KCNJ5: variants seen among roughly 807,000 people sequenced by gnomAD.
The protein encoded by KCNJ5 is potassium inwardly rectifying channel subfamily J member 5, also known as G protein-activated inward rectifier potassium channel 4.
In KCNJ5, 12 loss-of-function variants were observed where a neutral mutation model predicts 20.2. The observed-to-expected ratio is 0.59, with a 90% CI of 0.38 to 0.96. KCNJ5 has a LOEUF of 0.96. Ranked by LOEUF, KCNJ5 falls within the 40% of genes least tolerant of loss-of-function variation. The probability of loss-of-function intolerance (pLI) is 0.00; values close to 1 mark genes in which losing one functional copy is unlikely to be tolerated. For synonymous variants in KCNJ5, 210 were observed against 213.9 expected, an observed-to-expected ratio of 0.98 and a Z score of 0.16; for missense variants, 449 against 557.6, an observed-to-expected ratio of 0.81 and a Z score of 1.96.
chr11:128,912,471 C>T (rs1021379796), intron 2 of KCNJ5, among the ~76,000 whole-genome samples: 1 of 151,956 alleles, frequency 6.6e-6, no homozygotes, highest in Non-Finnish European at 1.5e-5. Context: ...TGTCCTCCCA[C>T]GCCCTATGAG....
In KCNJ5 at chr11:128,917,622, GTTTTGTTTTGTTTTT is replaced by G. The variant is rs1944605290; in HGVS notation, c.*894_*908del. On this transcript the variant is annotated 3_prime_UTR_variant, in exon 3 of 3. Coordinates refer to ENST00000529694, the MANE Select transcript of KCNJ5 (RefSeq NM_000890.5). The stretch of plus-strand genomic sequence containing the variant: ...GTTTTGTTTTGTTTTGTTTTGTTTT[GTTTTGTTTTGTTTTT>G]TTCACAATCTCAGCCAGCCTGCGGT... 6.6e-6 allele frequency: 1 copy of G among 150,514 alleles called. No homozygotes were observed. Among genetic ancestry groups the G allele is most frequent in the African/African-American group, 2.5e-5 (1 of 40,272 alleles). 9.3% of individuals were successfully genotyped at this position (150,514 alleles called of 1,614,324 possible). A position where few individuals can be genotyped will look rare whatever the true frequency, so the allele number is the denominator to read the frequency against.
chr11:128,910,761 G>A (rs182355963), intron 1 of KCNJ5, among the ~76,000 whole-genome samples: 151 of 152,292 alleles, frequency 9.9e-4, no homozygotes, highest in African/African-American at 3.2e-3. Context: ...TTATGCCCCT[G>A]TGGAGCTTAC....
intron 1 of KCNJ5, among the ~76,000 whole-genome samples, chr11:128,892,565 A>G (rs911121833): frequency 2.6e-5 from 4 of 152,202 alleles, no homozygotes; most frequent in Non-Finnish European, 5.9e-5. Flanking sequence ...GGAACACGCC[A>G]AGTATTTTAC....
At chr11:128,912,240 G>A (rs1944515387) in intron 2 of KCNJ5, 30 bp downstream of exon 2, 1 of 1,564,434 alleles carries the variant, frequency 6.4e-7, no homozygotes, top group Non-Finnish European at 8.7e-7. Flanking sequence ...TCAGCCACAG[G>A]TGGCCCTACC....
Position 128,916,594 on chromosome 11 carries a change from C to T in KCNJ5, c.1123C>T (p.Arg375Trp), listed in dbSNP as rs142454198. 4.0e-5 allele frequency: 64 copies of T among 1,614,090 alleles called. No individual in the cohort carries two copies. In the African/African-American group the frequency reaches 4.8e-4, roughly 12 times the overall value. Residue 375 changes from arginine to tryptophan, a missense_variant, in exon 3 of 3, where the codon CGG becomes TGG. Coordinates refer to ENST00000529694, the MANE Select transcript of KCNJ5 (RefSeq NM_000890.5). ...KELAEMKREG[R>W]LLQYLPSPPL... ...GCTGGCAGAAATGAAGAGGGAAGGC[C>T]GGCTCCTCCAGTACCTCCCCAGCCC...
At chr11:128,899,231 A>G (rs1362283623) in intron 1 of KCNJ5, among the ~76,000 whole-genome samples, 4 of 152,220 alleles carry the variant, frequency 2.6e-5, no homozygotes, top group Admixed American at 2.0e-4. Flanking sequence ...TAAAATGGGG[A>G]GAACAGTATC....
rs182578865 is a variant in KCNJ5, at chr11:128,903,962, A to T, written c.-10-7302A>T. On this transcript the variant is annotated intron_variant, in intron 1 of 2. Coordinates refer to ENST00000529694, the MANE Select transcript of KCNJ5 (RefSeq NM_000890.5). ...CTCAGGAGGAACCAACCTCCCAGGCAGCGGTGGCTGCACTTAGAGCCTTTG... is the reference window on the plus strand; with the variant it reads ...CTCAGGAGGAACCAACCTCCCAGGCTGCGGTGGCTGCACTTAGAGCCTTTG... Among the ~76,000 whole-genome samples, 1,040 of 152,326 alleles carry T rather than the reference A, an allele frequency of 6.8e-3. 8 individuals are homozygous for T. The highest frequency in any genetic ancestry group is 9.5e-3 in the Non-Finnish European group (648 of 68,032).
At chr11:128,909,150 G>T (rs924796673) in intron 1 of KCNJ5, among the ~76,000 whole-genome samples, 1 of 152,166 alleles carries the variant, frequency 6.6e-6, no homozygotes, top group African/African-American at 2.4e-5. Flanking sequence ...AATCACCCAG[G>T]CAGCACAGGA....
At position 128,916,865 on chromosome 11, in the gene KCNJ5, A is replaced by G; in HGVS notation, c.*134A>G. 1 of 713,314 alleles carries G rather than the reference A, an allele frequency of 1.4e-6. No homozygotes were observed. The highest frequency in any genetic ancestry group is 1.9e-5 in the South Asian group (1 of 51,710). 44.2% of individuals were successfully genotyped at this position (713,314 alleles called of 1,614,324 possible). On this transcript the variant is annotated 3_prime_UTR_variant, in exon 3 of 3. Coordinates refer to ENST00000529694, the MANE Select transcript of KCNJ5 (RefSeq NM_000890.5). ...GGAGCCATCAAGGCTGTGGGGAGGA[A>G]CCATAAACCCAGCCCTCACAGCTCC...
chr11:128,911,906 G>A lies in KCNJ5; in HGVS notation c.633G>A (p.Arg211=). 1 of 1,606,296 alleles carries A rather than the reference G, an allele frequency of 6.2e-7. No homozygotes were observed. Among genetic ancestry groups the A allele is most frequent in the South Asian group, 1.1e-5 (1 of 90,500 alleles). Residue 211 remains arginine (R), a synonymous_variant, in exon 2 of 3, where the codon CGG becomes CGA. Transcript: ENST00000529694. The surrounding 1 kb of genome is among the most constrained non-coding windows in gnomAD (Gnocchi z 6.3). ...CCAACAACGCAGTCATCTCCATGCGGGACGAGAAGCTGTGCCTCATGTTCC... is the reference window on the plus strand; with the variant it reads ...CCAACAACGCAGTCATCTCCATGCGAGACGAGAAGCTGTGCCTCATGTTCC... ...MFSNNAVISM[R]DEKLCLMFRV...
chr11:128,902,723 C>T (rs1482426791), intron 1 of KCNJ5: 1 of 1,594,438 alleles, frequency 6.3e-7, no homozygotes, highest in Admixed American at 1.7e-5. Flanking sequence ...CCTGTTGGTG[C>T]AAACAGGGAG....
At chr11:128,899,981 C>G (rs3765618) in intron 1 of KCNJ5, 11,616 of 152,144 alleles carry the variant, frequency 0.076, 511 homozygotes, top group Middle Eastern at 0.14. Flanking sequence ...CGGGCCTGCT[C>G]CATACGTACA....
chr11:128,898,058 G>A (rs568269378), intron 1 of KCNJ5, among the ~76,000 whole-genome samples: 73 of 152,228 alleles, frequency 4.8e-4, no homozygotes, highest in Non-Finnish European at 9.3e-4. Flanking sequence ...CATAACTGCA[G>A]TTATGTAATG....
At chr11:128,903,717 G>A (rs999273850) in intron 1 of KCNJ5, among the ~76,000 whole-genome samples, 8 of 152,158 alleles carry the variant, frequency 5.3e-5, no homozygotes, top group African/African-American at 1.7e-4. Context: ...GACCTCTGGG[G>A]GCAAGTATTG....
At position 128,911,492 on chromosome 11, in the gene KCNJ5, C is replaced by A. The variant is rs2135998712; in HGVS notation, c.219C>A (p.Tyr73Ter). 6.2e-7 allele frequency: 1 copy of A among 1,614,236 alleles called. No individual in the cohort carries two copies. The highest frequency in any genetic ancestry group is 8.5e-7 in the Non-Finnish European group (1 of 1,180,036). ...GCAACGTCCAGGAGACCTACCGGTA[C>A]CTGAGTGACCTCTTCACCACCCTGG... ...HHGNVQETYR[Y>*]LSDLFTTLVD... Residue 73 changes from tyrosine to a stop codon, truncating the protein, a stop_gained, in exon 2 of 3, where the codon TAC (tyrosine) becomes TAA (stop). Transcript: ENST00000529694. LOFTEE classifies it high-confidence loss of function. This position sits in a 1 kb window ranked among gnomAD's most constrained non-coding sequence, Gnocchi z 6.3.
chr11:128,914,644 A>G (rs1229536141), intron 2 of KCNJ5, among the ~76,000 whole-genome samples: 1 of 152,214 alleles, frequency 6.6e-6, no homozygotes, highest in Non-Finnish European at 1.5e-5. Context: ...CCTTGTCAGC[A>G]AAGTGAGGAA....
At chr11:128,904,457 C>A (rs1944357205) in intron 1 of KCNJ5, 3 of 1,613,930 alleles carry the variant, frequency 1.9e-6, no homozygotes, top group Non-Finnish European at 2.5e-6. Context: ...GGGCCAGATT[C>A]TGGGACTAGG....
chr11:128,901,869 T>G (rs1345697461), intron 1 of KCNJ5: 1 of 152,842 alleles, frequency 6.5e-6, no homozygotes, highest in Non-Finnish European at 1.5e-5. Context: ...GCTTAACAGC[T>G]TGGCAATCAG....
At chr11:128,900,178 T>A (rs1311508349) in intron 1 of KCNJ5, 1 of 152,216 alleles carries the variant, frequency 6.6e-6, no homozygotes, top group Admixed American at 6.5e-5. Flanking sequence ...ACCATCAAAA[T>A]GGTCTTTTTG....
Sources: gnomAD v4.1 joint callset for allele counts (sites outside exome capture counted in the v4.1 genomes callset) on GRCh38, gnomAD v4.1.1 for gene constraint, Gnocchi (gnomAD v3.1) non-coding constraint, MANE v1.5 for transcripts, NCBI Gene and HGNC (gene_info 2026-07-23, HGNC 2026-07-21) for gene names.